The following MEI1 variants were observed in gnomAD, a reference collection of about 807,000 sequenced individuals.
MEI1 encodes meiotic double-stranded break formation protein 1.
MEI1 carries 103 observed loss-of-function variants against 146.2 expected under a neutral mutation model. The ratio of observed to expected loss-of-function variants is 0.70; its 90% CI spans 0.60 to 0.83. MEI1 has a LOEUF of 0.83. MEI1 is among the 40% of genes least tolerant of loss of function. The pLI is 0.00. For missense variants in MEI1, 1,529 were observed against 1,533.0 expected (o/e 1.00, Z 0.04); for synonymous variants, 652 against 628.2 (o/e 1.04, Z -0.57).
At chr22:41,748,083 G>T in intron 14 of MEI1, 24 bp from the exon 15 acceptor site, 1 of 1,563,112 alleles carries the variant, frequency 6.4e-7, no homozygotes, top group Non-Finnish European at 8.8e-7. Context: ...CGTGGGCTGT[G>T]TTCTCTCTCC....
chr22:41,790,069 A>G (rs1286676800), intron 26 of MEI1, among the ~76,000 whole-genome samples: 1 of 151,962 alleles, frequency 6.6e-6, no homozygotes, highest in Non-Finnish European at 1.5e-5. Context: ...GTTGTTTAAA[A>G]CTAGTTTGTT....
intron 30 of MEI1, among the ~76,000 whole-genome samples, chr22:41,798,015 C>A (rs143897052): frequency 6.6e-6 from 1 of 152,216 alleles, no homozygotes; most frequent in East Asian, 1.9e-4. Context: ...ATTTGCCTGT[C>A]TCCAAAGCTA....
Position 41,746,042 on chromosome 22 carries a change from C to T in MEI1, c.1680+16C>T, listed in dbSNP as rs543530475. The T allele has an allele frequency of 8.3e-6, 13 of 1,567,386 alleles. No individual in the cohort carries two copies. Among genetic ancestry groups the T allele is most frequent in the South Asian group, 7.0e-5 (6 of 86,022 alleles). On this transcript the variant is annotated intron_variant, in intron 14 of 30. Coordinates refer to ENST00000401548, the MANE Select transcript of MEI1 (RefSeq NM_152513.4). Reference sequence around the variant, plus strand: ...CATGGTGATGGTGGGTTCTCCTGAGCCACGGGCAACATGAAGCTTGGGGAA... The same window carrying T: ...CATGGTGATGGTGGGTTCTCCTGAGTCACGGGCAACATGAAGCTTGGGGAA...
rs761065052 is a variant in MEI1 at position 41,703,382 on chromosome 22, C to T, written c.226C>T (p.His76Tyr). The T allele has an allele frequency of 6.2e-7, 1 of 1,611,954 alleles. No individual in the cohort carries two copies. The highest frequency in any genetic ancestry group is 2.2e-5 in the East Asian group (1 of 44,840). Residue 76 changes from histidine to tyrosine, a missense_variant, in exon 2 of 31, where the codon CAT (histidine) becomes TAT (tyrosine). Physicochemically the swap from His to Tyr is moderately conservative, Grantham distance 83. Coordinates refer to ENST00000401548, the MANE Select transcript of MEI1 (RefSeq NM_152513.4). Reference protein sequence around the residue: ...LSCFQDALVRHTSLVTQLVSQ... With the variant: ...LSCFQDALVRYTSLVTQLVSQ... ...CTGCTTCCAAGATGCCCTTGTGAGG[C>T]ATACCTCCCTGGTCACGCAACTGGT...
Position 41,699,640 on chromosome 22 carries a change from C to A in MEI1, c.102C>A (p.Arg34=), listed in dbSNP as rs200066340. Residue 34 remains arginine (R), a synonymous_variant, in exon 1 of 31, where the codon CGC becomes CGA. Transcript: ENST00000401548. ...FERAHYRHDP[R]WLLPVTPRLC... is the part of the protein sequence containing the mutation. ...GGGCCCATTACCGGCACGACCCGCGCTGGCTGCTGCCCGTGACCCCCCGCC... is the reference window on the plus strand; with the variant it reads ...GGGCCCATTACCGGCACGACCCGCGATGGCTGCTGCCCGTGACCCCCCGCC... 2 of 1,602,356 alleles carry A rather than the reference C, an allele frequency of 1.2e-6. No homozygotes were observed. The highest frequency in any genetic ancestry group is 1.7e-5 in the Admixed American group (1 of 58,534).
chr22:41,755,121 C>T (rs1292779449), intron 17 of MEI1, among the ~76,000 whole-genome samples: 1 of 152,164 alleles, frequency 6.6e-6, no homozygotes, highest in Non-Finnish European at 1.5e-5. Context: ...GGCCTAGGTA[C>T]TGCTGTGGAT....
In MEI1 at chr22:41,701,878, T is replaced by G. The variant is rs181769583; in HGVS notation, c.175-1453T>G. Among the ~76,000 whole-genome samples, 12 of 152,134 alleles carry G rather than the reference T, an allele frequency of 7.9e-5. No individual in the cohort carries two copies. In the East Asian group the frequency reaches 2.3e-3, roughly 29 times the overall value. ...AGGTAGGTATTATAAGGATGGGTTT[T>G]GGGGATAATCAGAGTGTTTGAAGGG... On this transcript the variant is annotated intron_variant, in intron 1 of 30. Transcript: ENST00000401548.
chr22:41,704,232 C>G (rs1219514074), intron 2 of MEI1, among the ~76,000 whole-genome samples: 1 of 152,194 alleles, frequency 6.6e-6, no homozygotes, highest in East Asian at 1.9e-4. Context: ...TACTGCTTTT[C>G]TGTGCCAGAG....
chr22:41,715,271 A>G (rs994538411), intron 4 of MEI1, among the ~76,000 whole-genome samples: 1 of 152,168 alleles, frequency 6.6e-6, no homozygotes, highest in Non-Finnish European at 1.5e-5. Flanking sequence ...CAAAAGTGGT[A>G]TGACTAGCTA....
intron 20 of MEI1, among the ~76,000 whole-genome samples, chr22:41,773,699 C>T (rs141507717): frequency 0.01 from 1,577 of 152,024 alleles, 27 homozygotes; most frequent in African/African-American, 0.037. Flanking sequence ...CATGGTGAAA[C>T]CCTGTCTCTA....
intron 11 of MEI1, among the ~76,000 whole-genome samples, chr22:41,737,447 G>A (rs1379876972): frequency 6.6e-6 from 1 of 152,026 alleles, no homozygotes; most frequent in Non-Finnish European, 1.5e-5. Flanking sequence ...CAGTGTGTTA[G>A]CCAGGATGAT....
intron 11 of MEI1, among the ~76,000 whole-genome samples, chr22:41,738,641 A>G (rs895729884): frequency 6.7e-6 from 1 of 149,826 alleles, no homozygotes; most frequent in African/African-American, 2.5e-5. Flanking sequence ...GCGTGGTGGC[A>G]CATACCTGTA....
Position 41,795,869 on chromosome 22 carries a change from A to G in MEI1, c.3779+22A>G. ...TGCTGTATCCTTTCTTGCATCTATGATGAAGGAGATGCCAAATCACTGGGT... is the reference window on the plus strand; with the variant it reads ...TGCTGTATCCTTTCTTGCATCTATGGTGAAGGAGATGCCAAATCACTGGGT... On this transcript the variant is annotated intron_variant, in intron 30 of 30. Coordinates refer to ENST00000401548, the MANE Select transcript of MEI1 (RefSeq NM_152513.4). This position sits in a 1 kb window ranked among gnomAD's most constrained non-coding sequence, Gnocchi z 4.2. 1.2e-6 allele frequency: 2 copies of G among 1,612,884 alleles called. No individual in the cohort carries two copies. Among genetic ancestry groups the G allele is most frequent in the Non-Finnish European group, 1.7e-6 (2 of 1,179,368 alleles).
chr22:41,700,939 C>CCT lies in MEI1; in HGVS notation c.174+1227_174+1228insCT, dbSNP rs2068671703. Among the ~76,000 whole-genome samples the CCT allele has an allele frequency of 1.5e-4, 20 of 129,612 alleles. No homozygotes were observed. The South Asian group carries it at 4.7e-3, about 31-fold the overall frequency. 85.0% of individuals were successfully genotyped at this position (129,612 alleles called of 152,430 possible). A position where few individuals can be genotyped will look rare whatever the true frequency, so the allele number is the denominator to read the frequency against. On this transcript the variant is annotated intron_variant, in intron 1 of 30. Transcript: ENST00000401548. ...CTCAAATATTTTGATTTCTTTCTTT[C>CCT]TTTTTTTTTTTTTTTTTGAGATGGA...
chr22:41,706,744 C>T (rs149268271), intron 3 of MEI1, among the ~76,000 whole-genome samples: 11 of 151,332 alleles, frequency 7.3e-5, no homozygotes, highest in East Asian at 5.8e-4. Flanking sequence ...ATTGTCGAAG[C>T]GCATGGGTTT....
chr22:41,732,776 ATTT>A (rs767715701), intron 11 of MEI1, among the ~76,000 whole-genome samples, 173 bp downstream of exon 11: 2 of 133,746 alleles, frequency 1.5e-5, no homozygotes, highest in Admixed American at 7.5e-5. Context: ...GGATTGAAAA[ATTT>A]TTTTTTTTTT....
intron 7 of MEI1, among the ~76,000 whole-genome samples, chr22:41,726,931 A>G (rs903396714): frequency 2.6e-5 from 4 of 151,654 alleles, no homozygotes; most frequent in Non-Finnish European, 4.4e-5. Flanking sequence ...CCGCCACCAC[A>G]CCCAGCTAAT....
Position 41,784,437 on chromosome 22 carries a change from C to A in MEI1, c.3169+17C>A, listed in dbSNP as rs116779837. On this transcript the variant is annotated intron_variant, in intron 25 of 30. Coordinates refer to ENST00000401548, the MANE Select transcript of MEI1 (RefSeq NM_152513.4). Reference sequence around the variant, plus strand: ...TACTCTCAGGTATGGGTCCACAAGTCTCCAGCAGAAGAAAAGCTTTTTCCC... The same window carrying A: ...TACTCTCAGGTATGGGTCCACAAGTATCCAGCAGAAGAAAAGCTTTTTCCC... The A allele has an allele frequency of 3.5e-3, 5,648 of 1,613,198 alleles. 156 individuals are homozygous for A. In the African/African-American group the frequency reaches 0.058, roughly 17 times the overall value.
chr22:41,773,946 A>G (rs1602083025), intron 20 of MEI1, among the ~76,000 whole-genome samples: 1 of 152,076 alleles, frequency 6.6e-6, no homozygotes, highest in East Asian at 1.9e-4. Flanking sequence ...AATTCTTACC[A>G]TTTCTCCCCA....
Sources: allele counts gnomAD v4.1 joint callset (sites outside exome capture counted in the v4.1 genomes callset), GRCh38; gene constraint gnomAD v4.1.1; non-coding constraint Gnocchi (gnomAD v3.1); transcripts MANE v1.5; gene names NCBI Gene and HGNC (gene_info 2026-07-23, HGNC 2026-07-21).